Variants in DNER observed in about 807,000 individuals in gnomAD.
DNER encodes delta/notch like EGF repeat containing, also known as delta and Notch-like epidermal growth factor-related receptor.
DNER carries 33 observed loss-of-function variants against 78.2 expected under a neutral mutation model. The observed-to-expected ratio is 0.42, with a 90% CI of 0.32 to 0.56. The LOEUF (loss-of-function observed/expected upper bound fraction) is 0.56. Among genes scored for constraint, DNER ranks in the 20% least tolerant of loss-of-function variants. DNER has a pLI of 0.11. For synonymous variants in DNER, 417 were observed against 384.8 expected, an observed-to-expected ratio of 1.08 and a Z score of -0.98; for missense variants, 918 against 975.3, an observed-to-expected ratio of 0.94 and a Z score of 0.78.
chr2:229,531,133 A>G (rs1446834165), intron 5 of DNER, among the ~76,000 whole-genome samples: 1 of 152,206 alleles, frequency 6.6e-6, no homozygotes, highest in Non-Finnish European at 1.5e-5. Context: ...TAACCTGAGA[A>G]TGAGCAGATA....
At chr2:229,468,436 C>T (rs972192183) in intron 7 of DNER, among the ~76,000 whole-genome samples, 2 of 152,074 alleles carry the variant, frequency 1.3e-5, no homozygotes, top group Non-Finnish European at 2.9e-5. Context: ...TTCTGCAGCC[C>T]CTACACTCGA....
chr2:229,703,206 A>AT (rs1373547929), intron 1 of DNER, among the ~76,000 whole-genome samples: 20 of 152,174 alleles, frequency 1.3e-4, no homozygotes, highest in Admixed American at 1.3e-3. Flanking sequence ...AGAGACATAA[A>AT]TGTAATAAAA....
intron 7 of DNER, among the ~76,000 whole-genome samples, chr2:229,457,663 A>C (rs1694605422): frequency 6.6e-6 from 1 of 151,870 alleles, no homozygotes; most frequent in African/African-American, 2.4e-5. Flanking sequence ...ATATGAGAAA[A>C]ATAGAAAATA....
intron 5 of DNER, among the ~76,000 whole-genome samples, chr2:229,540,918 T>A (rs1261138690): frequency 6.6e-6 from 1 of 152,244 alleles, no homozygotes; most frequent in African/African-American, 2.4e-5. Context: ...GGGAGTCTTC[T>A]CAGAGTGGAG....
intron 8 of DNER, among the ~76,000 whole-genome samples, chr2:229,438,558 G>A (rs1235213662): frequency 6.6e-6 from 1 of 152,156 alleles, no homozygotes; most frequent in African/African-American, 2.4e-5. Context: ...CAGGTGTTTG[G>A]CACACAGTCT....
intron 5 of DNER, among the ~76,000 whole-genome samples, chr2:229,521,281 T>G (rs1574883218): frequency 6.6e-6 from 1 of 152,126 alleles, no homozygotes; most frequent in Admixed American, 6.5e-5. Context: ...TAAGCAGCCA[T>G]CAGTGGGAGG....
chr2:229,416,240 C>T (rs1053854344), intron 9 of DNER, among the ~76,000 whole-genome samples: 1 of 152,168 alleles, frequency 6.6e-6, no homozygotes, highest in Non-Finnish European at 1.5e-5. Flanking sequence ...TATTCAGATC[C>T]AAATTCAATT....
intron 3 of DNER, chr2:229,587,092 G>C: frequency 1.4e-6 from 1 of 699,914 alleles, no homozygotes; most frequent in Non-Finnish European, 1.8e-6. Context: ...AAAAACAAAA[G>C]CATTTAACGA....
intron 1 of DNER, among the ~76,000 whole-genome samples, chr2:229,602,173 C>A (rs541505286): frequency 1.3e-5 from 2 of 152,198 alleles, no homozygotes; most frequent in East Asian, 3.9e-4. Flanking sequence ...TCGACTTCTG[C>A]CTCTTTCGTA....
chr2:229,387,547 GAA>G (rs1692911012), intron 11 of DNER, among the ~76,000 whole-genome samples: 2 of 146,766 alleles, frequency 1.4e-5, no homozygotes, highest in East Asian at 2.0e-4. Context: ...AAGAAAGAAA[GAA>G]AGAAAGAAAG....
Position 229,358,082 on chromosome 2 carries a change from A to C in DNER, c.*458T>G, listed in dbSNP as rs961223039. 6.5e-6 allele frequency: 1 copy of C among 152,948 alleles called. No homozygotes were observed. The highest frequency in any genetic ancestry group is 2.4e-5 in the African/African-American group (1 of 41,466). 9.5% of individuals were successfully genotyped at this position (152,948 alleles called of 1,614,324 possible). ...CGGGTTAGGAATAGTAAATTTAACT[A>C]GTTTCTTTTCCACAAAACGAACATT... On this transcript the variant is annotated 3_prime_UTR_variant, in exon 13 of 13. Transcript: ENST00000341772.
chr2:229,434,683 TA>T (rs1382722291), intron 8 of DNER, among the ~76,000 whole-genome samples: 2 of 152,086 alleles, frequency 1.3e-5, no homozygotes, highest in African/African-American at 4.8e-5. Context: ...ATATATATGT[TA>T]ATAACCTGAA....
chr2:229,483,644 A>G (rs142415748), intron 6 of DNER, among the ~76,000 whole-genome samples: 3 of 152,352 alleles, frequency 2.0e-5, no homozygotes, highest in Non-Finnish European at 4.4e-5. Flanking sequence ...GATAATTTCA[A>G]ATAGTCTTCT....
At position 229,407,308 on chromosome 2, in the gene DNER, G is replaced by T. The variant is rs753339397; in HGVS notation, c.1647C>A (p.Asn549Lys). 6.2e-7 allele frequency: 1 copy of T among 1,613,984 alleles called. No homozygotes were observed. Among genetic ancestry groups the T allele is most frequent in the Non-Finnish European group, 8.5e-7 (1 of 1,179,870 alleles). ...AGGTGGCTCCGTTCAGACAGCTGAC[G>T]TTAGCGCAGGGATCCTTGTACAATT... ...HCELYKDPCA[N>K]VSCLNGATCD... Residue 549 changes from asparagine (N) to lysine (K), a missense_variant, in exon 10 of 13, where the codon AAC (asparagine) becomes AAA (lysine). Physicochemically the swap from Asn to Lys is moderately conservative, Grantham distance 94. Coordinates refer to ENST00000341772, the MANE Select transcript of DNER (RefSeq NM_139072.4).
chr2:229,620,965 T>C (rs1470300922), intron 1 of DNER, among the ~76,000 whole-genome samples: 1 of 152,176 alleles, frequency 6.6e-6, no homozygotes, highest in Non-Finnish European at 1.5e-5. Context: ...TGCTGACACC[T>C]AATCTCAGAC....
At chr2:229,689,226 C>A (rs909701528) in intron 1 of DNER, among the ~76,000 whole-genome samples, 3 of 152,138 alleles carry the variant, frequency 2.0e-5, no homozygotes, top group Admixed American at 6.5e-5. Context: ...TTTTTCCACC[C>A]TGATGGCCAC....
At chr2:229,424,985 C>G (rs939986495) in intron 8 of DNER, among the ~76,000 whole-genome samples, 2 of 152,156 alleles carry the variant, frequency 1.3e-5, no homozygotes, top group African/African-American at 2.4e-5. Context: ...AACCACTGTT[C>G]TAGATCCTTT....
chr2:229,524,343 AAGG>A (rs911103275), intron 5 of DNER, among the ~76,000 whole-genome samples: 2 of 152,234 alleles, frequency 1.3e-5, no homozygotes, highest in African/African-American at 2.4e-5. Context: ...GAGAAAATAA[AAGG>A]AGATGTGCGT....
At chr2:229,441,552 C>T (rs546226197) in intron 8 of DNER, among the ~76,000 whole-genome samples, 84 of 152,216 alleles carry the variant, frequency 5.5e-4, no homozygotes, top group African/African-American at 2.0e-3. Context: ...TGTCAGAAAG[C>T]AGGAGCAATT....
Sources: gnomAD v4.1 joint callset for allele counts (sites outside exome capture counted in the v4.1 genomes callset) on GRCh38, gnomAD v4.1.1 for gene constraint, MANE v1.5 for transcripts, NCBI Gene and HGNC (gene_info 2026-07-23, HGNC 2026-07-21) for gene names.